Variants in DDR2 observed in about 807,000 individuals in gnomAD.
DDR2 encodes the protein discoidin domain-containing receptor 2.
In DDR2, 27 loss-of-function variants were observed where a neutral mutation model predicts 94.9. The observed-to-expected ratio is 0.28, with a 90% confidence interval of 0.21 to 0.39. The LOEUF (loss-of-function observed/expected upper bound fraction) is 0.39, where lower values mean the gene tolerates loss of function less well. Ranked by LOEUF, DDR2 falls within the 10% of genes least tolerant of loss-of-function variation. The probability of loss-of-function intolerance (pLI) is 1.00; values close to 1 mark genes in which losing one functional copy is unlikely to be tolerated. For synonymous variants in DDR2, 382 were observed against 377.2 expected, an observed-to-expected ratio of 1.01 and a Z score of -0.15; for missense variants, 783 against 1,076.0, an observed-to-expected ratio of 0.73 and a Z score of 3.81.
intron 2 of DDR2, among the ~76,000 whole-genome samples, chr1:162,705,557 C>T (rs936278991): frequency 3.9e-5 from 6 of 152,162 alleles, no homozygotes; most frequent in Admixed American, 6.5e-5. Flanking sequence ...GTGGTACACC[C>T]GCTGGAGTGT....
intron 2 of DDR2, among the ~76,000 whole-genome samples, chr1:162,691,400 G>A (rs940293290): frequency 6.6e-6 from 1 of 152,278 alleles, no homozygotes; most frequent in East Asian, 1.9e-4. Flanking sequence ...GCATGACAAA[G>A]GAATGCAACC....
In DDR2 at chr1:162,759,861, A is replaced by G. The variant is rs1321838803; in HGVS notation, c.737A>G (p.His246Arg). Residue 246 changes from histidine (H) to arginine (R), a missense_variant, in exon 8 of 18, where the codon CAT becomes CGT. Transcript: ENST00000367921. ...VSGLDDFTQTHEYHVWPGYDY... is the reference protein window; with the variant it reads ...VSGLDDFTQTREYHVWPGYDY... ...GGCCTGGACGATTTCACCCAGACCC[A>G]TGAATACCACGTGTGGCCCGGCTAT... 2.5e-6 allele frequency: 4 copies of G among 1,614,020 alleles called. No individual in the cohort carries two copies. The East Asian group carries it at 6.7e-5, about 27-fold the overall frequency.
chr1:162,727,534 A>T (rs1239144191), intron 3 of DDR2, among the ~76,000 whole-genome samples: 1 of 147,290 alleles, frequency 6.8e-6, no homozygotes, highest in Non-Finnish European at 1.5e-5. Flanking sequence ...ATAAATAAAA[A>T]TAAAAATAAA....
At chr1:162,727,141 A>G (rs1459810373) in intron 3 of DDR2, among the ~76,000 whole-genome samples, 4 of 145,584 alleles carry the variant, frequency 2.7e-5, no homozygotes, top group East Asian at 2.0e-4. Context: ...ATAAACATAT[A>G]TTTATATTTT....
At chr1:162,736,723 G>T (rs1338412920) in intron 3 of DDR2, among the ~76,000 whole-genome samples, 1 of 152,230 alleles carries the variant, frequency 6.6e-6, no homozygotes, top group East Asian at 1.9e-4. Flanking sequence ...TGCTTGCGAA[G>T]TGCATCCAGA....
In DDR2 at chr1:162,761,196, C is replaced by T. The variant is rs751352262; in HGVS notation, c.856-15C>T. 1 of 1,613,974 alleles carries T rather than the reference C, an allele frequency of 6.2e-7. No homozygotes were observed. The highest frequency in any genetic ancestry group is 1.1e-5 in the South Asian group (1 of 91,042). The stretch of plus-strand genomic sequence containing the variant: ...CAGGGCCAACCTATCACTCACATGC[C>T]TCTTTCTCTACCAGGTCCACTGCAA... On this transcript the variant is annotated splice_polypyrimidine_tract_variant and intron_variant, in intron 8 of 17. Transcript: ENST00000367921.
intron 1 of DDR2, among the ~76,000 whole-genome samples, chr1:162,643,895 A>T (rs919716692): frequency 2.0e-5 from 3 of 152,204 alleles, no homozygotes; most frequent in Non-Finnish European, 2.9e-5. Flanking sequence ...AAGCCTGGGA[A>T]GGAGTTCTTG....
At position 162,679,771 on chromosome 1, in the gene DDR2, T is replaced by G. The variant is rs371461226; in HGVS notation, c.-28+24397T>G. ...TGCACTCCCACCAGCAGATTATGTG[T>G]TTTTTTTTCAACCTTGCCAACATCT... On this transcript the variant is annotated intron_variant, in intron 2 of 17. Transcript: ENST00000367921. Among the ~76,000 whole-genome samples the G allele has an allele frequency of 3.4e-4, 8 of 23,360 alleles. No individual in the cohort carries two copies. In the South Asian group the frequency reaches 0.014, roughly 42 times the overall value. The allele number at this position is 23,360 out of a possible 152,430, so 15.3% of individuals were successfully genotyped here. A position where few individuals can be genotyped will look rare whatever the true frequency, so the allele number is the denominator to read the frequency against.
chr1:162,667,352 G>T (rs1382093311), intron 2 of DDR2, among the ~76,000 whole-genome samples: 2 of 152,040 alleles, frequency 1.3e-5, no homozygotes, highest in African/African-American at 4.8e-5. Context: ...AGCTAAAGGG[G>T]GCAACTGGCT....
At chr1:162,715,391 A>C (rs1661120712) in intron 2 of DDR2, among the ~76,000 whole-genome samples, 1 of 152,198 alleles carries the variant, frequency 6.6e-6, no homozygotes. Context: ...TTTTGCTGAG[A>C]AAGTGACCAT....
At chr1:162,690,132 C>T (rs1436335231) in intron 2 of DDR2, among the ~76,000 whole-genome samples, 1 of 151,900 alleles carries the variant, frequency 6.6e-6, no homozygotes, top group African/African-American at 2.4e-5. Flanking sequence ...TTTCTAAATA[C>T]TTTACATGTG....
chr1:162,637,570 A>C (rs1433782318), intron 1 of DDR2, among the ~76,000 whole-genome samples: 1 of 152,160 alleles, frequency 6.6e-6, no homozygotes, highest in Non-Finnish European at 1.5e-5. Context: ...AAACATAACA[A>C]AATAATAAAT....
At chr1:162,667,569 C>T (rs554241814) in intron 2 of DDR2, among the ~76,000 whole-genome samples, 16 of 152,236 alleles carry the variant, frequency 1.1e-4, no homozygotes, top group African/African-American at 2.6e-4. Context: ...ACAAGAAGCT[C>T]GAGGCCAAAC....
intron 2 of DDR2, among the ~76,000 whole-genome samples, chr1:162,710,587 G>C (rs1298279583): frequency 2.0e-5 from 3 of 152,142 alleles, no homozygotes; most frequent in Admixed American, 1.3e-4. Flanking sequence ...CTCCAAAACT[G>C]CTCTTCATAT....
At chr1:162,691,482 G>T (rs1659958463) in intron 2 of DDR2, among the ~76,000 whole-genome samples, 11 of 152,178 alleles carry the variant, frequency 7.2e-5, no homozygotes, top group Admixed American at 7.2e-4. Context: ...TTATTTATGT[G>T]GAGTCCTAAA....
chr1:162,762,060 A>G (rs1353293924), intron 9 of DDR2, among the ~76,000 whole-genome samples: 1 of 152,218 alleles, frequency 6.6e-6, no homozygotes, highest in African/African-American at 2.4e-5. Context: ...TATCCTGTCC[A>G]TATTCAAGTA....
At position 162,787,213 on chromosome 1, in the gene DDR2, A is replaced by G. The variant is rs1303569156; in HGVS notation, c.*6967A>G. 1 of 152,108 alleles carries G rather than the reference A, an allele frequency of 6.6e-6. No homozygotes were observed. Among genetic ancestry groups the G allele is most frequent in the Non-Finnish European group, 1.5e-5 (1 of 68,016 alleles). The allele number at this position is 152,108 out of a possible 1,614,324, so 9.4% of individuals were successfully genotyped here. On this transcript the variant is annotated 3_prime_UTR_variant, in exon 18 of 18. Transcript: ENST00000367921. ...GCAGGGATAGATGGGATCATTGTGTACCCTATTGTTCTTCTGATTTCCAGG... is the reference window on the plus strand; with the variant it reads ...GCAGGGATAGATGGGATCATTGTGTGCCCTATTGTTCTTCTGATTTCCAGG...
chr1:162,711,309 A>G (rs1007682673), intron 2 of DDR2, among the ~76,000 whole-genome samples: 1 of 152,210 alleles, frequency 6.6e-6, no homozygotes, highest in African/African-American at 2.4e-5. Context: ...TGGTAAGTAG[A>G]TGGAATATTT....
intron 2 of DDR2, among the ~76,000 whole-genome samples, chr1:162,706,536 T>C (rs1424207742): frequency 1.3e-5 from 2 of 152,200 alleles, no homozygotes. Flanking sequence ...GTGAGTCTTC[T>C]GCAGGAGAGG....
Sources: gnomAD v4.1 joint callset for allele counts (sites outside exome capture counted in the v4.1 genomes callset) on GRCh38, gnomAD v4.1.1 for gene constraint, MANE v1.5 for transcripts, NCBI Gene and HGNC (gene_info 2026-07-23, HGNC 2026-07-21) for gene names.